The following FAM174B variants were observed in gnomAD, a reference collection of about 807,000 sequenced individuals.
FAM174B encodes family with sequence similarity 174 member B.
FAM174B carries 12 observed loss-of-function variants against 10.9 expected under a neutral mutation model. The ratio of observed to expected loss-of-function variants is 1.10; its 90% CI spans 0.71 to 1.79. The LOEUF is 1.79. Among genes scored for constraint, FAM174B ranks in the 40% most tolerant of loss-of-function variants. The pLI, the probability that FAM174B is intolerant of heterozygous loss-of-function variation, is 0.00. For missense variants in FAM174B, 266 were observed against 233.3 expected (o/e 1.14, Z -0.91); for synonymous variants, 132 against 115.8 (o/e 1.14, Z -0.90).
chr15:92,619,057 G>A lies in FAM174B; in HGVS notation c.*399C>T. The A allele has an allele frequency of 1.6e-6, 1 of 615,032 alleles. No homozygotes were observed. Among genetic ancestry groups the A allele is most frequent in the Non-Finnish European group, 2.9e-6 (1 of 345,774 alleles). 38.1% of individuals were successfully genotyped at this position (615,032 alleles called of 1,614,324 possible). On this transcript the variant is annotated 3_prime_UTR_variant, in exon 3 of 3. Transcript: ENST00000327355. The stretch of plus-strand genomic sequence containing the variant: ...TGTCGGAAATTCTAAATACACAGTT[G>A]GACATCCTTCAGGCTTGTTTTAGAT...
intron 1 of FAM174B, among the ~76,000 whole-genome samples, chr15:92,637,432 G>A (rs756022491): frequency 3.9e-5 from 6 of 152,170 alleles, no homozygotes; most frequent in African/African-American, 9.7e-5. Flanking sequence ...AAAGCCAGCC[G>A]GGGCCAGGTT....
rs1463808872 is a variant in FAM174B at position 92,619,146 on chromosome 15, C to G, written c.*310G>C. 1.5e-6 allele frequency: 1 copy of G among 685,488 alleles called. No homozygotes were observed. The highest frequency in any genetic ancestry group is 2.7e-5 in the East Asian group (1 of 37,000). 42.5% of individuals were successfully genotyped at this position (685,488 alleles called of 1,614,324 possible). On this transcript the variant is annotated 3_prime_UTR_variant, in exon 3 of 3. Coordinates refer to ENST00000327355, the MANE Select transcript of FAM174B (RefSeq NM_207446.3). ...TGTCTTAAAAAAACTTCTTTAAAAT[C>G]AACATGTTTCTACCCTTTGCTCCTT...
In FAM174B at chr15:92,618,661, A is replaced by C. The variant is rs1160008129; in HGVS notation, c.*795T>G. On this transcript the variant is annotated 3_prime_UTR_variant, in exon 3 of 3. Transcript: ENST00000327355. Reference sequence around the variant, plus strand: ...AAAAGCACAAAGAATGTTGCTAATCACAGGCTGCCTAGCACTTTCCTTTCC... The same window carrying C: ...AAAAGCACAAAGAATGTTGCTAATCCCAGGCTGCCTAGCACTTTCCTTTCC... 6.5e-6 allele frequency: 1 copy of C among 153,244 alleles called. No individual in the cohort carries two copies. The highest frequency in any genetic ancestry group is 2.4e-5 in the African/African-American group (1 of 41,472). 9.5% of individuals were successfully genotyped at this position (153,244 alleles called of 1,614,324 possible).
At position 92,633,385 on chromosome 15, in the gene FAM174B, A is replaced by T. The variant is rs114621767; in HGVS notation, c.345-3040T>A. Among the ~76,000 whole-genome samples, 531 of 152,336 alleles carry T rather than the reference A, an allele frequency of 3.5e-3. 1 individual carries two copies. Among genetic ancestry groups the T allele is most frequent in the African/African-American group, 0.012 (517 of 41,572 alleles). On this transcript the variant is annotated intron_variant, in intron 1 of 2. Coordinates refer to ENST00000327355, the MANE Select transcript of FAM174B (RefSeq NM_207446.3). ...ACATTGTTTACCAAAGTGTCACGTC[A>T]TGTCTTTGGCATAAAGCAACCTATA...
chr15:92,631,301 TAATATATTATATATAATATTATATATA>T lies in FAM174B; in HGVS notation c.345-983_345-957del, dbSNP rs2050806177. Among the ~76,000 whole-genome samples the T allele has an allele frequency of 2.2e-4, 2 of 9,208 alleles. 1 individual carries two copies. The highest frequency in any genetic ancestry group is 1.0e-3 in the African/African-American group (2 of 1,994). The allele number at this position is 9,208 out of a possible 152,430, so 6.0% of individuals were successfully genotyped here. On this transcript the variant is annotated intron_variant, in intron 1 of 2. Coordinates refer to ENST00000327355, the MANE Select transcript of FAM174B (RefSeq NM_207446.3). ...TATATAATATATTATATATTATATA[TAATATATTATATATAATATTATATATA>T]ATATATTATATATTATATATAATAT...
intron 1 of FAM174B, among the ~76,000 whole-genome samples, chr15:92,633,648 T>C (rs1243033993): frequency 2.0e-5 from 3 of 152,162 alleles, no homozygotes; most frequent in Non-Finnish European, 4.4e-5. Flanking sequence ...ATGCCAAGCC[T>C]GGTGATAAGA....
At chr15:92,652,471 T>C (rs1183943627) in intron 1 of FAM174B, among the ~76,000 whole-genome samples, 1 of 152,000 alleles carries the variant, frequency 6.6e-6, no homozygotes, top group African/African-American at 2.4e-5. Context: ...AGAGCCGAGA[T>C]GGGGGCTCAG....
intron 1 of FAM174B, among the ~76,000 whole-genome samples, chr15:92,642,359 A>G (rs2050897290): frequency 6.6e-6 from 1 of 152,226 alleles, no homozygotes; most frequent in Non-Finnish European, 1.5e-5. Flanking sequence ...AAAAACTCAT[A>G]TACTTGTTCA....
intron 2 of FAM174B, among the ~76,000 whole-genome samples, chr15:92,628,724 TAACA>T (rs2050770883): frequency 6.6e-6 from 1 of 152,174 alleles, no homozygotes; most frequent in Non-Finnish European, 1.5e-5. Flanking sequence ...TGTGATTCAC[TAACA>T]AACTGAGCTT....
chr15:92,637,164 G>C (rs2050861399), intron 1 of FAM174B, among the ~76,000 whole-genome samples: 1 of 152,236 alleles, frequency 6.6e-6, no homozygotes, highest in African/African-American at 2.4e-5. Flanking sequence ...GGCAATGGCA[G>C]AGGAGCAGGG....
chr15:92,635,907 T>C (rs982341405), intron 1 of FAM174B, among the ~76,000 whole-genome samples: 1 of 152,132 alleles, frequency 6.6e-6, no homozygotes, highest in African/African-American at 2.4e-5. Flanking sequence ...AGGAGAATTC[T>C]TCCTTTACTA....
intron 2 of FAM174B, among the ~76,000 whole-genome samples, chr15:92,626,334 G>A (rs1007168686): frequency 2.6e-5 from 4 of 151,960 alleles, no homozygotes; most frequent in Admixed American, 6.6e-5. Flanking sequence ...TCCTGACCTC[G>A]TGATCCGCCC....
In FAM174B at chr15:92,618,855, A is replaced by G. The variant is rs1596291895; in HGVS notation, c.*601T>C. On this transcript the variant is annotated 3_prime_UTR_variant, in exon 3 of 3. Coordinates refer to ENST00000327355, the MANE Select transcript of FAM174B (RefSeq NM_207446.3). ...TTTTTTTTTTTAAAAAAAAAAAAAA[A>G]GGAAGAAAGAAAAGGAGCCACAGAC... 1.6e-5 allele frequency: 3 copies of G among 185,140 alleles called. No individual in the cohort carries two copies. Among genetic ancestry groups the G allele is most frequent in the Admixed American group, 1.2e-4 (2 of 17,332 alleles). 11.5% of individuals were successfully genotyped at this position (185,140 alleles called of 1,614,324 possible). A position where few individuals can be genotyped will look rare whatever the true frequency, so the allele number is the denominator to read the frequency against.
At chr15:92,647,805 T>C (rs1348832443) in intron 1 of FAM174B, among the ~76,000 whole-genome samples, 1 of 152,212 alleles carries the variant, frequency 6.6e-6, no homozygotes, top group African/African-American at 2.4e-5. Flanking sequence ...AGAATCTTCA[T>C]TAATGCAGCT....
At chr15:92,655,147 A>G (rs887946996) in intron 1 of FAM174B, 169 bp downstream of exon 1, 2 of 892,098 alleles carry the variant, frequency 2.2e-6, no homozygotes, top group African/African-American at 3.5e-5. Context: ...AATCCAGACG[A>G]GCACACCCCG....
Position 92,639,710 on chromosome 15 carries a change from G to A in FAM174B, c.345-9365C>T, listed in dbSNP as rs200813528. ...GCGCTGTTCTTATGATAGTGAGTGG[G>A]TGAGTGCCTGAGAGATCTGGTGGTT... On this transcript the variant is annotated intron_variant, in intron 1 of 2. Transcript: ENST00000327355. 2.6e-5 allele frequency among the ~76,000 whole-genome samples: 4 copies of A among 152,180 alleles called. No homozygotes were observed. In the East Asian group the frequency reaches 7.7e-4, roughly 29 times the overall value.
intron 1 of FAM174B, among the ~76,000 whole-genome samples, chr15:92,649,070 A>T (rs555784936): frequency 6.6e-6 from 1 of 152,302 alleles, no homozygotes; most frequent in African/African-American, 2.4e-5. Flanking sequence ...AGATACTGAC[A>T]TTGGAGTTCC....
In FAM174B at chr15:92,620,297, G is replaced by C. The variant is rs562808355; in HGVS notation, c.477-838C>G. Among the ~76,000 whole-genome samples the C allele has an allele frequency of 7.2e-5, 11 of 152,278 alleles. No homozygotes were observed. In the South Asian group the frequency reaches 2.3e-3, roughly 32 times the overall value. On this transcript the variant is annotated intron_variant, in intron 2 of 2. Coordinates refer to ENST00000327355, the MANE Select transcript of FAM174B (RefSeq NM_207446.3). Reference sequence around the variant, plus strand: ...ATGGATCACAAGGTCAGGAGATCGCGACCATCCTGGCTAACATGGTGAAAC... The same window carrying C: ...ATGGATCACAAGGTCAGGAGATCGCCACCATCCTGGCTAACATGGTGAAAC...
intron 1 of FAM174B, among the ~76,000 whole-genome samples, chr15:92,638,110 C>G (rs1015539640): frequency 6.6e-6 from 1 of 152,160 alleles, no homozygotes; most frequent in Non-Finnish European, 1.5e-5. Context: ...CAGCAGGAAT[C>G]TTTCTTTTCT....
Sources: allele counts gnomAD v4.1 joint callset (sites outside exome capture counted in the v4.1 genomes callset), GRCh38; gene constraint gnomAD v4.1.1; transcripts MANE v1.5; gene names NCBI Gene and HGNC (gene_info 2026-07-23, HGNC 2026-07-21).